The following SMLR1 variants were observed in gnomAD, a reference collection of about 807,000 sequenced individuals.
SMLR1 encodes small leucine-rich protein 1.
SMLR1 carries 3 observed loss-of-function variants against 6.1 expected under a neutral mutation model. That is an observed-to-expected ratio of 0.49 (90% CI 0.22 to 1.28). The LOEUF (loss-of-function observed/expected upper bound fraction) is 1.28. Ranked by LOEUF, SMLR1 falls within the 50% of genes most tolerant of loss-of-function variation. The pLI, the probability that SMLR1 is intolerant of heterozygous loss-of-function variation, is 0.19. For missense variants in SMLR1, 126 were observed against 124.8 expected (o/e 1.01, Z -0.05); for synonymous variants, 55 against 53.6 (o/e 1.03, Z -0.11).
intron 1 of SMLR1, among the ~76,000 whole-genome samples, chr6:130,831,170 C>T (rs1033716208): frequency 6.6e-6 from 1 of 152,080 alleles, no homozygotes; most frequent in Non-Finnish European, 1.5e-5. Flanking sequence ...TGAGACTGAG[C>T]CCAAAGCAAA....
At chr6:130,829,731 T>A (rs1421965812) in intron 1 of SMLR1, among the ~76,000 whole-genome samples, 1 of 152,222 alleles carries the variant, frequency 6.6e-6, no homozygotes, top group African/African-American at 2.4e-5. Flanking sequence ...TTCCTTCCCC[T>A]TTCTTCATTC....
Position 130,835,107 on chromosome 6 carries a change from G to A in SMLR1, c.*152G>A, listed in dbSNP as rs189711467. 69 of 653,524 alleles carry A rather than the reference G, an allele frequency of 1.1e-4. No individual in the cohort carries two copies. The Admixed American group carries it at 1.5e-3, about 14-fold the overall frequency. The allele number at this position is 653,524 out of a possible 1,614,324, so 40.5% of individuals were successfully genotyped here. ...TACTCATTCTGAACCATACTGAAAA[G>A]TGGCAGCTATTATCTAAGGGGACTT... On this transcript the variant is annotated 3_prime_UTR_variant, in exon 2 of 2. Transcript: ENST00000541421.
Position 130,835,251 on chromosome 6 carries a change from G to A in SMLR1, c.*296G>A, listed in dbSNP as rs1774617949. On this transcript the variant is annotated 3_prime_UTR_variant, in exon 2 of 2. Coordinates refer to ENST00000541421, the MANE Select transcript of SMLR1 (RefSeq NM_001195597.2). ...ATTGTGACTGTGTCTGCTCTAAACG[G>A]CATATTTAAAAAATAAAATTCTGCA... The A allele has an allele frequency of 4.0e-6, 1 of 249,458 alleles. No homozygotes were observed. Among genetic ancestry groups the A allele is most frequent in the Non-Finnish European group, 7.8e-6 (1 of 127,488 alleles). The allele number at this position is 249,458 out of a possible 1,614,324, so 15.5% of individuals were successfully genotyped here. A position where few individuals can be genotyped will look rare whatever the true frequency, so the allele number is the denominator to read the frequency against.
chr6:130,834,074 T>C (rs1328386590), intron 1 of SMLR1, among the ~76,000 whole-genome samples: 3 of 152,182 alleles, frequency 2.0e-5, no homozygotes, highest in Non-Finnish European at 4.4e-5. Context: ...CAGTTGTTCC[T>C]GGTTTCAGGA....
chr6:130,827,461 G>A lies in SMLR1; in HGVS notation c.48G>A (p.Gln16=). The A allele has an allele frequency of 6.5e-7, 1 of 1,536,036 alleles. No individual in the cohort carries two copies. Among genetic ancestry groups the A allele is most frequent in the Non-Finnish European group, 8.7e-7 (1 of 1,146,862 alleles). ...CCAGAAGAAAACAAGTACAGACTCA[G>A]AGGAAAGCTGCCCTGGTCCTGAGTG... The part of the protein sequence containing the change: ...RSPRRKQVQT[Q]RKAALVLSVT... The change falls in exon 1 of 2, where the codon CAG becomes CAA. Residue 16 remains glutamine (Q), a synonymous_variant. Transcript: ENST00000541421.
chr6:130,830,256 T>C (rs540779669), intron 1 of SMLR1, among the ~76,000 whole-genome samples: 1 of 152,090 alleles, frequency 6.6e-6, no homozygotes, highest in Non-Finnish European at 1.5e-5. Context: ...CAGGATCCTC[T>C]ACAGTGAAGG....
At chr6:130,828,334 T>C (rs1445898470) in intron 1 of SMLR1, among the ~76,000 whole-genome samples, 1 of 152,212 alleles carries the variant, frequency 6.6e-6, no homozygotes, top group Non-Finnish European at 1.5e-5. Flanking sequence ...AACTGGGCTG[T>C]AACTAGATAG....
intron 1 of SMLR1, among the ~76,000 whole-genome samples, chr6:130,832,937 G>A (rs1205217221): frequency 6.6e-6 from 1 of 152,014 alleles, no homozygotes; most frequent in East Asian, 1.9e-4. Flanking sequence ...ATATAACGGG[G>A]GTCATAATAG....
chr6:130,831,300 C>T (rs925435127), intron 1 of SMLR1, among the ~76,000 whole-genome samples: 4 of 152,090 alleles, frequency 2.6e-5, no homozygotes, highest in South Asian at 2.1e-4. Context: ...AACCATCTTT[C>T]GGTTGTATTT....
At chr6:130,832,952 T>A (rs966290530) in intron 1 of SMLR1, among the ~76,000 whole-genome samples, 3 of 152,182 alleles carry the variant, frequency 2.0e-5, no homozygotes, top group Non-Finnish European at 2.9e-5. Flanking sequence ...TAATAGTTAT[T>A]GATGATGGTG....
chr6:130,827,700 C>T (rs1774318653), intron 1 of SMLR1, 49 bp downstream of exon 1: 1 of 1,368,338 alleles, frequency 7.3e-7, no homozygotes, highest in African/African-American at 1.4e-5. Flanking sequence ...TTTCCCACAG[C>T]ACATCTTGAA....
rs1178359155 is a variant in SMLR1, at chr6:130,835,888, C to T, written c.*933C>T. The T allele has an allele frequency of 1.3e-5, 2 of 152,126 alleles. No homozygotes were observed. The highest frequency in any genetic ancestry group is 2.9e-5 in the Non-Finnish European group (2 of 68,016). 9.4% of individuals were successfully genotyped at this position (152,126 alleles called of 1,614,324 possible). A position where few individuals can be genotyped will look rare whatever the true frequency, so the allele number is the denominator to read the frequency against. The stretch of plus-strand genomic sequence containing the variant: ...CCAGTTAACATAAATCAAAGATGTT[C>T]AATGCATTCTAAGTGTAAGACTGGT... On this transcript the variant is annotated 3_prime_UTR_variant, in exon 2 of 2. Transcript: ENST00000541421.
chr6:130,830,366 G>A (rs2128384407), intron 1 of SMLR1, among the ~76,000 whole-genome samples: 1 of 152,144 alleles, frequency 6.6e-6, no homozygotes, highest in East Asian at 1.9e-4. Flanking sequence ...GAGCTTCCAG[G>A]CTGCAGGTAG....
intron 1 of SMLR1, among the ~76,000 whole-genome samples, chr6:130,832,021 AT>A (rs936696949): frequency 1.3e-5 from 2 of 152,144 alleles, no homozygotes; most frequent in African/African-American, 4.8e-5. Context: ...ATCTGTGTCA[AT>A]TTCCTTGAGG....
In SMLR1 at chr6:130,834,532, G is replaced by A. The variant is rs529003819; in HGVS notation, c.239-338G>A. The stretch of plus-strand genomic sequence containing the variant: ...ACTGTAAGTGCCCAGACACATTTTT[G>A]GGAGGGATGAGCAGGGGCAGACACT... On this transcript the variant is annotated intron_variant, in intron 1 of 1. Coordinates refer to ENST00000541421, the MANE Select transcript of SMLR1 (RefSeq NM_001195597.2). Among the ~76,000 whole-genome samples, 7 of 152,264 alleles carry A rather than the reference G, an allele frequency of 4.6e-5. No individual in the cohort carries two copies. The East Asian group carries it at 1.4e-3, about 29-fold the overall frequency.
chr6:130,829,428 C>T (rs913097155), intron 1 of SMLR1, among the ~76,000 whole-genome samples: 1 of 151,922 alleles, frequency 6.6e-6, no homozygotes, highest in African/African-American at 2.4e-5. Flanking sequence ...TTTAGAATAC[C>T]CTGGAAAAGT....
chr6:130,827,581 T>C lies in SMLR1; in HGVS notation c.168T>C (p.Phe56=), dbSNP rs773017335. 1.4e-5 allele frequency: 21 copies of C among 1,535,980 alleles called. No homozygotes were observed. In the South Asian group the frequency reaches 2.3e-4, roughly 17 times the overall value. Reference sequence around the variant, plus strand: ...AGCTCCCTGGCTGGTTCCTGTTCTTTGGGGTCTTCCTCCCCGTGACTTTGC... The same window carrying C: ...AGCTCCCTGGCTGGTTCCTGTTCTTCGGGGTCTTCCTCCCCGTGACTTTGC... ...MRELPGWFLF[F]GVFLPVTLLL... is the part of the protein sequence containing the mutation. The change falls in exon 1 of 2, where the codon TTT becomes TTC. Residue 56 remains phenylalanine, a synonymous_variant. Transcript: ENST00000541421.
rs1774646730 is a variant in SMLR1 at position 130,836,021 on chromosome 6, C to A, written c.*1066C>A. ...ATGCACCTGTTTCAGTAGTGGCTTACAGTCATACTAAAGGTTGTGTGGATG... is the reference window on the plus strand; with the variant it reads ...ATGCACCTGTTTCAGTAGTGGCTTAAAGTCATACTAAAGGTTGTGTGGATG... On this transcript the variant is annotated 3_prime_UTR_variant, in exon 2 of 2. Transcript: ENST00000541421. 1 of 152,112 alleles carries A rather than the reference C, an allele frequency of 6.6e-6. No homozygotes were observed. The highest frequency in any genetic ancestry group is 1.5e-5 in the Non-Finnish European group (1 of 68,022). The allele number at this position is 152,112 out of a possible 1,614,324, so 9.4% of individuals were successfully genotyped here.
rs911212730 is a variant in SMLR1 at position 130,835,834 on chromosome 6, G to T, written c.*879G>T. 6.6e-6 allele frequency: 1 copy of T among 152,164 alleles called. No homozygotes were observed. Among genetic ancestry groups the T allele is most frequent in the Non-Finnish European group, 1.5e-5 (1 of 68,034 alleles). 9.4% of individuals were successfully genotyped at this position (152,164 alleles called of 1,614,324 possible). The stretch of plus-strand genomic sequence containing the variant: ...ATTCTAGGGGTAGTTAAACGAGATT[G>T]TGGTTACTGTTGTGCTCCCCACATT... On this transcript the variant is annotated 3_prime_UTR_variant, in exon 2 of 2. Transcript: ENST00000541421.
Sources: gnomAD v4.1 joint callset for allele counts (sites outside exome capture counted in the v4.1 genomes callset) on GRCh38, gnomAD v4.1.1 for gene constraint, MANE v1.5 for transcripts, NCBI Gene and HGNC (gene_info 2026-07-23, HGNC 2026-07-21) for gene names.